The following ATP10A variants were observed in gnomAD, a reference collection of about 807,000 sequenced individuals.
The protein encoded by ATP10A is phospholipid-transporting ATPase VA.
In ATP10A, 111 loss-of-function variants were observed where a neutral mutation model predicts 147.8. The observed-to-expected ratio is 0.75, with a 90% CI of 0.64 to 0.88. The LOEUF (loss-of-function observed/expected upper bound fraction) is 0.88. ATP10A is among the 40% of genes least tolerant of loss of function. The pLI is 0.00. For missense variants in ATP10A, 1,927 were observed against 1,959.0 expected (o/e 0.98, Z 0.31); for synonymous variants, 875 against 841.6 (o/e 1.04, Z -0.69).
intron 2 of ATP10A, among the ~76,000 whole-genome samples, chr15:25,777,265 C>T (rs950011526): frequency 6.6e-6 from 1 of 152,108 alleles, no homozygotes; most frequent in African/African-American, 2.4e-5. Flanking sequence ...TCCATGCACC[C>T]TCTCAAAGGT....
downstream of ATP10A, among the ~76,000 whole-genome samples, chr15:25,673,990 C>A (rs533345796): frequency 7.2e-5 from 11 of 152,208 alleles, no homozygotes; most frequent in Non-Finnish European, 1.6e-4. Flanking sequence ...TGTGTTTGGG[C>A]CACGGAGTGT....
intron 13 of ATP10A, among the ~76,000 whole-genome samples, chr15:25,699,631 G>C (rs1307246531): frequency 6.6e-6 from 1 of 152,124 alleles, no homozygotes; most frequent in Non-Finnish European, 1.5e-5. Flanking sequence ...CACTTTGAGA[G>C]GCCGAGGCAG....
chr15:25,710,719 T>C (rs1004585965), intron 10 of ATP10A: 3 of 152,184 alleles, frequency 2.0e-5, no homozygotes, highest in East Asian at 1.9e-4. Context: ...AAACATATAC[T>C]GATTACTGCA....
At chr15:25,711,889 T>C (rs2140382903) in intron 10 of ATP10A, among the ~76,000 whole-genome samples, 1 of 152,206 alleles carries the variant, frequency 6.6e-6, no homozygotes, top group South Asian at 2.1e-4. Flanking sequence ...GAGGAGAGCA[T>C]TGTGGATTGT....
At chr15:25,842,184 T>C (rs1252632161) in intron 1 of ATP10A, among the ~76,000 whole-genome samples, 1 of 152,190 alleles carries the variant, frequency 6.6e-6, no homozygotes, top group Non-Finnish European at 1.5e-5. Flanking sequence ...GAGCGGGCCT[T>C]GGGCTCCCAC....
At chr15:25,745,453 G>C (rs1887799122) in intron 2 of ATP10A, among the ~76,000 whole-genome samples, 1 of 152,066 alleles carries the variant, frequency 6.6e-6, no homozygotes, top group Admixed American at 6.6e-5. Context: ...CAAGCACAGT[G>C]GCTCATGCCT....
At chr15:25,687,360 C>T (rs947463890) in intron 16 of ATP10A, among the ~76,000 whole-genome samples, 2 of 151,996 alleles carry the variant, frequency 1.3e-5, no homozygotes, top group Non-Finnish European at 2.9e-5. Context: ...CTGGGGTGAA[C>T]GCAGCCTTGA....
At chr15:25,838,202 T>C (rs1483973814) in intron 1 of ATP10A, among the ~76,000 whole-genome samples, 1 of 152,220 alleles carries the variant, frequency 6.6e-6, no homozygotes, top group Non-Finnish European at 1.5e-5. Flanking sequence ...GATGCTTTGA[T>C]GTTTCAATCA....
chr15:25,725,910 G>T (rs200466644), intron 5 of ATP10A, 41 bp downstream of exon 5: 9 of 1,576,152 alleles, frequency 5.7e-6, no homozygotes, highest in South Asian at 1.1e-5. Flanking sequence ...GAGCCACTGC[G>T]CCTGGCCCCC....
intron 2 of ATP10A, among the ~76,000 whole-genome samples, chr15:25,776,851 C>T (rs1462521973): frequency 6.6e-6 from 1 of 152,130 alleles, no homozygotes; most frequent in Non-Finnish European, 1.5e-5. Context: ...GGACGTCATT[C>T]CCTGTAGTGC....
At chr15:25,750,122 C>A (rs1051305929) in intron 2 of ATP10A, among the ~76,000 whole-genome samples, 1 of 151,598 alleles carries the variant, frequency 6.6e-6, no homozygotes, top group Non-Finnish European at 1.5e-5. Flanking sequence ...CTCAAACCCC[C>A]AAATTATGAA....
intron 1 of ATP10A, among the ~76,000 whole-genome samples, chr15:25,816,976 G>GA (rs11428287): frequency 0.37 from 56,062 of 150,986 alleles, 11,974 homozygotes; most frequent in African/African-American, 0.59. Flanking sequence ...TAATGTGTAG[G>GA]AAAAAAAAAT....
At chr15:25,861,129 A>T (rs1264658188) in intron 1 of ATP10A, among the ~76,000 whole-genome samples, 1 of 149,672 alleles carries the variant, frequency 6.7e-6, no homozygotes, top group African/African-American at 2.4e-5. Flanking sequence ...CTGGCCAAAG[A>T]GCAAGGCTTG....
intron 1 of ATP10A, among the ~76,000 whole-genome samples, chr15:25,804,458 T>C (rs1245290511): frequency 7.5e-6 from 1 of 132,656 alleles, no homozygotes; most frequent in Admixed American, 7.3e-5. Flanking sequence ...GTGTGCATGG[T>C]GTGTGTGTGG....
intron 1 of ATP10A, among the ~76,000 whole-genome samples, chr15:25,830,582 C>CG (rs201058755): frequency 1.3e-3 from 197 of 152,088 alleles, no homozygotes; most frequent in Non-Finnish European, 1.8e-3. Context: ...CCTTTCTCTC[C>CG]GGGGGGGTCC....
chr15:25,765,019 A>G (rs1168033083), intron 2 of ATP10A, among the ~76,000 whole-genome samples: 3 of 152,178 alleles, frequency 2.0e-5, no homozygotes, highest in African/African-American at 7.2e-5. Flanking sequence ...AGGATGCAGG[A>G]CACACATTAA....
intron 2 of ATP10A, among the ~76,000 whole-genome samples, chr15:25,759,048 C>A (rs1888608625): frequency 6.6e-6 from 1 of 152,236 alleles, no homozygotes; most frequent in Admixed American, 6.5e-5. Flanking sequence ...GGGGGACCGA[C>A]ACAGCACCAG....
At chr15:25,787,798 C>G (rs965330816) in intron 1 of ATP10A, among the ~76,000 whole-genome samples, 20 of 152,158 alleles carry the variant, frequency 1.3e-4, no homozygotes, top group African/African-American at 4.8e-4. Context: ...TCAGGAGTCA[C>G]CAAACTGTGT....
chr15:25,768,213 T>C (rs1040656448), intron 2 of ATP10A, among the ~76,000 whole-genome samples: 2 of 152,166 alleles, frequency 1.3e-5, no homozygotes, highest in African/African-American at 4.8e-5. Context: ...GGAGGGAGGG[T>C]CAGTGGCTTG....
Sources: gnomAD v4.1 joint callset for allele counts (sites outside exome capture counted in the v4.1 genomes callset) on GRCh38, gnomAD v4.1.1 for gene constraint, MANE v1.5 for transcripts, NCBI Gene and HGNC (gene_info 2026-07-23, HGNC 2026-07-21) for gene names.